The following ZNF653 variants were observed in gnomAD, a reference collection of about 807,000 sequenced individuals.
ZNF653 encodes the protein zinc finger protein 653.
Under a neutral mutation model 59.9 loss-of-function variants are expected in ZNF653, and 37 were observed. That is an observed-to-expected ratio of 0.62 (90% CI 0.48 to 0.81). The LOEUF is 0.81. Among genes scored for constraint, ZNF653 ranks in the 40% least tolerant of loss-of-function variants. The pLI, the probability that ZNF653 is intolerant of heterozygous loss-of-function variation, is 0.00. For synonymous variants in ZNF653, 435 were observed against 371.8 expected, an observed-to-expected ratio of 1.17 and a Z score of -1.96; for missense variants, 808 against 881.1, an observed-to-expected ratio of 0.92 and a Z score of 1.05.
At chr19:11,490,390 GTTGT>G (rs1048397705) in intron 3 of ZNF653, among the ~76,000 whole-genome samples, 106 of 152,176 alleles carry the variant, frequency 7.0e-4, no homozygotes, top group African/African-American at 2.5e-3. Context: ...TGTTGTTGTT[GTTGT>G]TTGTTTTTTT....
chr19:11,488,090 T>C (rs1457682868), intron 3 of ZNF653, among the ~76,000 whole-genome samples, 187 bp from the exon 4 acceptor site: 1 of 148,150 alleles, frequency 6.7e-6, no homozygotes, highest in South Asian at 2.2e-4. Flanking sequence ...CCGGTTCCAG[T>C]GATTCTCCTG....
chr19:11,490,683 G>A (rs192546154), intron 3 of ZNF653, among the ~76,000 whole-genome samples: 6 of 152,012 alleles, frequency 3.9e-5, no homozygotes, highest in Admixed American at 2.0e-4. Context: ...GTGAGCCACC[G>A]CGACTGGCCA....
At chr19:11,494,381 A>ACATAAAACATAACAT (rs1555737004) in intron 3 of ZNF653, among the ~76,000 whole-genome samples, 5 of 132,912 alleles carry the variant, frequency 3.8e-5, no homozygotes, top group African/African-American at 1.5e-4. Context: ...ACATAACATA[A>ACATAAAACATAACAT]AACATAACAT....
chr19:11,497,034 G>A (rs962802096), intron 2 of ZNF653, among the ~76,000 whole-genome samples: 6 of 152,200 alleles, frequency 3.9e-5, no homozygotes, highest in African/African-American at 1.4e-4. Context: ...GGCACAGGCT[G>A]TGCCTGCTTC....
At chr19:11,501,336 A>G (rs929241763) in intron 1 of ZNF653, among the ~76,000 whole-genome samples, 4 of 151,640 alleles carry the variant, frequency 2.6e-5, no homozygotes, top group African/African-American at 9.7e-5. Context: ...GCACCACCAC[A>G]CCCGGCTAAC....
chr19:11,497,368 T>C (rs935069039), intron 2 of ZNF653, among the ~76,000 whole-genome samples: 2 of 152,198 alleles, frequency 1.3e-5, no homozygotes, highest in African/African-American at 4.8e-5. Flanking sequence ...CGGGCGGGCA[T>C]GGTGGAGCCG....
Position 11,495,226 on chromosome 19 carries a change from C to A in ZNF653, c.559+724G>T, listed in dbSNP as rs376750002. ...TGCCGGCAGCCCCCTCACCACTCAC[C>A]GGGGCCAACTGAGCCTCCCTCACTG... is the stretch of plus-strand genomic sequence containing the variant. On this transcript the variant is annotated intron_variant, in intron 3 of 8. Transcript: ENST00000293771. This position sits in a 1 kb window ranked among gnomAD's most constrained non-coding sequence, Gnocchi z 4.9. Among the ~76,000 whole-genome samples the A allele has an allele frequency of 2.6e-5, 4 of 152,116 alleles. No homozygotes were observed. Among genetic ancestry groups the A allele is most frequent in the African/African-American group, 9.7e-5 (4 of 41,426 alleles).
chr19:11,498,172 G>T, intron 2 of ZNF653, 124 bp downstream of exon 2: 1 of 1,300,010 alleles, frequency 7.7e-7, no homozygotes, highest in South Asian at 1.2e-5. Flanking sequence ...CCGGGTTTGA[G>T]GTCGGGCTCT....
rs1971431065 is a variant in ZNF653, at chr19:11,483,637, T to C, written c.*45A>G. Reference sequence around the variant, plus strand: ...CAGGCCCCGGCAAGCCCGGGCGTGGTGTCCGAGCGGACGAATAAATAGGGG... The same window carrying C: ...CAGGCCCCGGCAAGCCCGGGCGTGGCGTCCGAGCGGACGAATAAATAGGGG... On this transcript the variant is annotated 3_prime_UTR_variant, in exon 9 of 9. Transcript: ENST00000293771. The C allele has an allele frequency of 1.3e-6, 2 of 1,591,754 alleles. No individual in the cohort carries two copies. The highest frequency in any genetic ancestry group is 2.7e-5 in the African/African-American group (2 of 74,292).
intron 7 of ZNF653, among the ~76,000 whole-genome samples, chr19:11,484,690 C>CTGATATTTGA (rs1426145273): frequency 6.6e-6 from 1 of 152,024 alleles, no homozygotes; most frequent in Non-Finnish European, 1.5e-5. Flanking sequence ...GGATTACCAC[C>CTGATATTTGA]ACGCCCGGCC....
Position 11,483,800 on chromosome 19 carries a change from T to C in ZNF653, c.1730A>G (p.Lys577Arg). 6.2e-7 allele frequency: 1 copy of C among 1,612,688 alleles called. No individual in the cohort carries two copies. ...GTTGTACTGCACCTCCGCAGTGTGC[T>C]TCTTCATGTGCCAGTTGAGCGACGC... ...QRASLNWHMK[K>R]HTAEVQYNFT... The change falls in exon 9 of 9, where the codon AAG becomes AGG. Residue 577 changes from lysine to arginine, a missense_variant. By Grantham distance (26) the Lys-to-Arg change is conservative (BLOSUM62 2). Coordinates refer to ENST00000293771, the MANE Select transcript of ZNF653 (RefSeq NM_138783.4).
At chr19:11,498,488 G>C in intron 1 of ZNF653, 149 bp from the exon 2 acceptor site, 1 of 1,108,302 alleles carries the variant, frequency 9.0e-7, no homozygotes, top group Non-Finnish European at 1.3e-6. Context: ...GTGTTGCCCA[G>C]GCTAGAGTGC....
chr19:11,491,458 G>A lies in ZNF653; in HGVS notation c.560-3555C>T, dbSNP rs188635782. On this transcript the variant is annotated intron_variant, in intron 3 of 8. Coordinates refer to ENST00000293771, the MANE Select transcript of ZNF653 (RefSeq NM_138783.4). ...GAAACAAACCACTGTGCCAGGTCAC[G>A]AGAGCTGGAGTGCGTCTGTTTCAGG... Among the ~76,000 whole-genome samples, 378 of 152,312 alleles carry A rather than the reference G, an allele frequency of 2.5e-3. 2 individuals are homozygous for A. Among genetic ancestry groups the A allele is most frequent in the Middle Eastern group, 3.4e-3 (1 of 294 alleles).
rs771640419 is a variant in ZNF653, at chr19:11,485,625, G to C, written c.1570+31C>G. The C allele has an allele frequency of 4.4e-6, 7 of 1,574,076 alleles. No homozygotes were observed. The South Asian group carries it at 7.8e-5, about 17-fold the overall frequency. ...CCAGGCCCATGTCCCTGTGTCCCCC[G>C]CTCATGCTGCCAGCTGGCCCAGGGC... is the stretch of plus-strand genomic sequence containing the variant. On this transcript the variant is annotated intron_variant, in intron 7 of 8. Transcript: ENST00000293771.
rs752147599 is a variant in ZNF653 at position 11,483,661 on chromosome 19, G to A, written c.*21C>T. ...GTGTCCGAGCGGACGAATAAATAGG[G>A]GCGGTCAGTGGTCAGGTGGGTCAGG... On this transcript the variant is annotated 3_prime_UTR_variant, in exon 9 of 9. Transcript: ENST00000293771. 3.1e-6 allele frequency: 5 copies of A among 1,603,472 alleles called. No homozygotes were observed. Among genetic ancestry groups the A allele is most frequent in the Non-Finnish European group, 4.3e-6 (5 of 1,171,374 alleles).
chr19:11,487,353 G>C lies in ZNF653; in HGVS notation c.1110C>G (p.Pro370=). 1 of 1,613,404 alleles carries C rather than the reference G, an allele frequency of 6.2e-7. No homozygotes were observed. The highest frequency in any genetic ancestry group is 8.5e-7 in the Non-Finnish European group (1 of 1,179,912). The change falls in exon 4 of 9, where the codon CCC becomes CCG. Residue 370 remains proline (P), a synonymous_variant. Transcript: ENST00000293771. This position sits in a 1 kb window ranked among gnomAD's most constrained non-coding sequence, Gnocchi z 5.1. ...CCATGGTGCTAGGCTGGCTACCCTCGGGCTCTGTCTGGGTGTAGGCTGCCA... is the reference window on the plus strand; with the variant it reads ...CCATGGTGCTAGGCTGGCTACCCTCCGGCTCTGTCTGGGTGTAGGCTGCCA... The part of the protein sequence containing the change: ...EGVAAYTQTE[P]EGSQPSTMDA...
chr19:11,493,347 C>A (rs866214093), intron 3 of ZNF653, among the ~76,000 whole-genome samples: 1 of 151,654 alleles, frequency 6.6e-6, no homozygotes, highest in African/African-American at 2.4e-5. Context: ...TGTGAGCCAC[C>A]GTGCCCAGCC....
intron 8 of ZNF653, 60 bp from the exon 9 acceptor site, chr19:11,483,919 CTACAA>C: frequency 6.6e-7 from 1 of 1,516,634 alleles, no homozygotes; most frequent in Non-Finnish European, 8.8e-7. Flanking sequence ...GGGCGGGGCC[CTACAA>C]GGCCGAGCGC....
In ZNF653 at chr19:11,484,142, C is replaced by T; in HGVS notation, c.1571-1G>A. ...GTCTCGCAGGTGAATTCACGGACACCTGGGGGCGGTGGGGACCGAGGCTGA... is the reference window on the plus strand; with the variant it reads ...GTCTCGCAGGTGAATTCACGGACACTTGGGGGCGGTGGGGACCGAGGCTGA... On this transcript the variant is annotated splice_acceptor_variant, in intron 7 of 8. Coordinates refer to ENST00000293771, the MANE Select transcript of ZNF653 (RefSeq NM_138783.4). LOFTEE classifies it high-confidence loss of function. 1 of 1,552,026 alleles carries T rather than the reference C, an allele frequency of 6.4e-7. No homozygotes were observed. The highest frequency in any genetic ancestry group is 1.2e-5 in the South Asian group (1 of 84,146).
Sources: allele counts gnomAD v4.1 joint callset (sites outside exome capture counted in the v4.1 genomes callset), GRCh38; gene constraint gnomAD v4.1.1; non-coding constraint Gnocchi (gnomAD v3.1); transcripts MANE v1.5; gene names NCBI Gene and HGNC (gene_info 2026-07-23, HGNC 2026-07-21).